QRFP: variants seen among roughly 807,000 people sequenced by gnomAD.
QRFP encodes the protein orexigenic neuropeptide QRFP.
QRFP carries 7 observed loss-of-function variants against 9.1 expected under a neutral mutation model. The ratio of observed to expected loss-of-function variants is 0.77; its 90% confidence interval spans 0.44 to 1.45. The LOEUF (loss-of-function observed/expected upper bound fraction) is 1.45, where lower values mean the gene tolerates loss of function less well. Among genes scored for constraint, QRFP ranks in the 40% most tolerant of loss-of-function variants. The probability of loss-of-function intolerance (pLI) is 0.01; values close to 1 mark genes in which losing one functional copy is unlikely to be tolerated. For missense variants in QRFP, 204 were observed against 185.4 expected (o/e 1.10, Z -0.58); for synonymous variants, 91 against 80.2 (o/e 1.13, Z -0.72).
At chr9:130,896,400 C>T (rs755199399) in intron 1 of QRFP, among the ~76,000 whole-genome samples, 177 bp downstream of exon 1, 6 of 152,148 alleles carry the variant, frequency 3.9e-5, no homozygotes, top group Non-Finnish European at 7.4e-5. Context: ...CTACTGTCAC[C>T]GAGGGTCACC....
rs1016411598 is a variant in QRFP at position 130,893,373 on chromosome 9, T to A, written c.*55A>T. The A allele has an allele frequency of 2.7e-6, 4 of 1,498,950 alleles. No individual in the cohort carries two copies. Among genetic ancestry groups the A allele is most frequent in the Middle Eastern group, 1.8e-4 (1 of 5,548 alleles). The allele number at this position is 1,498,950 out of a possible 1,614,324, so 92.9% of individuals were successfully genotyped here. On this transcript the variant is annotated 3_prime_UTR_variant, in exon 3 of 3. Transcript: ENST00000623824. ...TTGAGACTGGGGGAGAAGGCAGGAG[T>A]GAAGACAATGGGGGTGAGTCCAAGA...
chr9:130,895,573 G>A (rs1313936134), intron 2 of QRFP, 124 bp downstream of exon 2: 4 of 152,466 alleles, frequency 2.6e-5, no homozygotes, highest in African/African-American at 9.6e-5. Context: ...GGGAGGCACT[G>A]GTGTCCCCTC....
rs1425670418 is a variant in QRFP at position 130,895,745 on chromosome 9, C to G, written c.-49G>C. On this transcript the variant is annotated 5_prime_UTR_variant, in exon 2 of 3. Transcript: ENST00000623824. Reference sequence around the variant, plus strand: ...GAAGGCTGGCTGGTGGATCGCTGGGCTCCGGGGCTGGGCTGGGCAGAGCTG... The same window carrying G: ...GAAGGCTGGCTGGTGGATCGCTGGGGTCCGGGGCTGGGCTGGGCAGAGCTG... 6.5e-6 allele frequency: 1 copy of G among 153,626 alleles called. No individual in the cohort carries two copies. Among genetic ancestry groups the G allele is most frequent in the Non-Finnish European group, 1.4e-5 (1 of 69,340 alleles). 9.5% of individuals were successfully genotyped at this position (153,626 alleles called of 1,614,324 possible).
Position 130,893,844 on chromosome 9 carries a change from C to G in QRFP, c.1-6G>C. The stretch of plus-strand genomic sequence containing the variant: ...AGGGGGTAAGGCCTTACCATCTGAC[C>G]CAGAGGAAAGAGAGGCAGAGTGACA... On this transcript the variant is annotated splice_region_variant and splice_polypyrimidine_tract_variant and intron_variant, in intron 2 of 2. Transcript: ENST00000623824. The G allele has an allele frequency of 6.6e-7, 1 of 1,504,186 alleles. No individual in the cohort carries two copies. Among genetic ancestry groups the G allele is most frequent in the South Asian group, 1.4e-5 (1 of 71,688 alleles). 93.2% of individuals were successfully genotyped at this position (1,504,186 alleles called of 1,614,324 possible). A position where few individuals can be genotyped will look rare whatever the true frequency, so the allele number is the denominator to read the frequency against.
In QRFP at chr9:130,896,682, G is replaced by GGGGCTGAGCGCCCAGGTTC. The variant is rs1307355802; in HGVS notation, c.-410_-392dup. 3.3e-5 allele frequency: 5 copies of GGGGCTGAGCGCCCAGGTTC among 152,360 alleles called. No individual in the cohort carries two copies. Among genetic ancestry groups the GGGGCTGAGCGCCCAGGTTC allele is most frequent in the African/African-American group, 1.2e-4 (5 of 41,558 alleles). 9.4% of individuals were successfully genotyped at this position (152,360 alleles called of 1,614,324 possible). ...CACTGGAATCTCGATCCTCCACTTC[G>GGGGCTGAGCGCCCAGGTTC]GGGCTGAGCGCCCAGGTTCGGGCGG... is the stretch of plus-strand genomic sequence containing the variant. On this transcript the variant is annotated 5_prime_UTR_variant, in exon 1 of 3. The change abolishes the stop of an existing upstream ORF in the 5' untranslated region. Coordinates refer to ENST00000623824, the MANE Select transcript of QRFP (RefSeq NM_198180.3).
intron 1 of QRFP, among the ~76,000 whole-genome samples, chr9:130,896,372 CA>C (rs1831760067): frequency 6.6e-6 from 1 of 152,230 alleles, no homozygotes; most frequent in Non-Finnish European, 1.5e-5. Flanking sequence ...CCTCCCACCG[CA>C]TACCCTGGGT....
At chr9:130,894,595 A>G (rs1230249831) in intron 2 of QRFP, among the ~76,000 whole-genome samples, 1 of 152,160 alleles carries the variant, frequency 6.6e-6, no homozygotes, top group Non-Finnish European at 1.5e-5. Flanking sequence ...TAATGGCCAG[A>G]CGGCTTCTTC....
intron 2 of QRFP, among the ~76,000 whole-genome samples, chr9:130,894,391 A>T (rs1831729937): frequency 6.6e-6 from 1 of 152,074 alleles, no homozygotes. Context: ...TGTGGACACC[A>T]CTGGGGCCTG....
chr9:130,895,066 A>G (rs961631846), intron 2 of QRFP, among the ~76,000 whole-genome samples: 2 of 152,024 alleles, frequency 1.3e-5, no homozygotes, highest in Non-Finnish European at 2.9e-5. Flanking sequence ...AAAATAATAC[A>G]TGCAACCCCA....
Position 130,893,523 on chromosome 9 carries a change from C to G in QRFP, c.316G>C (p.Glu106Gln). Reference sequence around the variant, plus strand: ...TTCCCTAACGGGCCGCTGGTCTTCTCCCCCGCAGCAGGGAGGAAGCCGGTG... The same window carrying G: ...TTCCCTAACGGGCCGCTGGTCTTCTGCCCCGCAGCAGGGAGGAAGCCGGTG... ...EATGFLPAAG[E>Q]KTSGPLGNLA... The change falls in exon 3 of 3, where the codon GAG becomes CAG. Residue 106 changes from glutamate to glutamine, a missense_variant. Transcript: ENST00000623824. 6.2e-7 allele frequency: 1 copy of G among 1,612,466 alleles called. No individual in the cohort carries two copies. The highest frequency in any genetic ancestry group is 1.1e-5 in the South Asian group (1 of 91,008).
intron 2 of QRFP, among the ~76,000 whole-genome samples, chr9:130,895,128 G>A (rs1042745811): frequency 6.6e-6 from 1 of 152,188 alleles, no homozygotes; most frequent in African/African-American, 2.4e-5. Flanking sequence ...GGGATGGAGT[G>A]ACCTCCCTCA....
intron 2 of QRFP, among the ~76,000 whole-genome samples, chr9:130,895,283 G>A (rs1306649438): frequency 6.6e-6 from 1 of 152,174 alleles, no homozygotes; most frequent in African/African-American, 2.4e-5. Context: ...GTTGCATCCT[G>A]GTGGATAAAT....
Position 130,893,622 on chromosome 9 carries a change from C to T in QRFP, c.217G>A (p.Gly73Arg), listed in dbSNP as rs144020971. Residue 73 changes from glycine (G) to arginine (R), a missense_variant, in exon 3 of 3, where the codon GGG becomes AGG. Physicochemically the swap from Gly to Arg is moderately radical, Grantham distance 125 (BLOSUM62 -2). Coordinates refer to ENST00000623824, the MANE Select transcript of QRFP (RefSeq NM_198180.3). ...TGCTCTCTGCCCGATGTCTGCAGCC[C>T]CCTGGCTATGACAAGCAGGGCCTGT... Reference protein sequence around the residue: ...QPQALLVIARGLQTSGREHAG... With the variant: ...QPQALLVIARRLQTSGREHAG... 4.2e-5 allele frequency: 67 copies of T among 1,610,148 alleles called. No homozygotes were observed. The South Asian group carries it at 6.3e-4, about 15-fold the overall frequency.
Position 130,893,247 on chromosome 9 carries a change from G to C in QRFP, c.*181C>G. 1 of 588,646 alleles carries C rather than the reference G, an allele frequency of 1.7e-6. No homozygotes were observed. Among genetic ancestry groups the C allele is most frequent in the East Asian group, 3.2e-5 (1 of 31,292 alleles). 36.5% of individuals were successfully genotyped at this position (588,646 alleles called of 1,614,324 possible). A position where few individuals can be genotyped will look rare whatever the true frequency, so the allele number is the denominator to read the frequency against. On this transcript the variant is annotated 3_prime_UTR_variant, in exon 3 of 3. Coordinates refer to ENST00000623824, the MANE Select transcript of QRFP (RefSeq NM_198180.3). ...CCTTTTTGACACTGCCTAGTTTTTC[G>C]CTTCAGCAAAGTTGGAAATCAAAAG...
Position 130,893,738 on chromosome 9 carries a change from A to G in QRFP, c.101T>C (p.Leu34Pro). 4 of 1,609,924 alleles carry G rather than the reference A, an allele frequency of 2.5e-6. No homozygotes were observed. The highest frequency in any genetic ancestry group is 3.4e-6 in the Non-Finnish European group (4 of 1,178,248). ...GTCGGCCCAGCGTTCTCCAGCTCCG[A>G]GGCCACCCATGGCGTCTGTGGGCTC... ...RREPTDAMGG[L>P]GAGERWADLA... The change falls in exon 3 of 3, where the codon CTC (leucine) becomes CCC (proline). Residue 34 changes from leucine to proline, a missense_variant. Coordinates refer to ENST00000623824, the MANE Select transcript of QRFP (RefSeq NM_198180.3).
intron 2 of QRFP, among the ~76,000 whole-genome samples, chr9:130,894,740 C>G (rs1361357512): frequency 6.6e-6 from 1 of 152,182 alleles, no homozygotes; most frequent in African/African-American, 2.4e-5. Context: ...AATCCCAGGT[C>G]TAACTGGGCT....
chr9:130,895,268 G>T (rs1390361563), intron 2 of QRFP, among the ~76,000 whole-genome samples: 1 of 152,156 alleles, frequency 6.6e-6, no homozygotes, highest in Non-Finnish European at 1.5e-5. Context: ...TGTGGACCAG[G>T]GACCGTTGCA....
chr9:130,895,013 G>A (rs909569814), intron 2 of QRFP, among the ~76,000 whole-genome samples: 2 of 152,024 alleles, frequency 1.3e-5, no homozygotes, highest in East Asian at 1.9e-4. Context: ...TGGCTCCCTC[G>A]AACACATTTC....
intron 2 of QRFP, among the ~76,000 whole-genome samples, chr9:130,894,126 C>T (rs1831726193): frequency 6.6e-6 from 1 of 152,200 alleles, no homozygotes; most frequent in African/African-American, 2.4e-5. Context: ...GCCCAGGCGG[C>T]CCCGGGAGAG....
Sources: gnomAD v4.1 joint callset for allele counts (sites outside exome capture counted in the v4.1 genomes callset) on GRCh38, gnomAD v4.1.1 for gene constraint, MANE v1.5 for transcripts, NCBI Gene and HGNC (gene_info 2026-07-23, HGNC 2026-07-21) for gene names.